SYT9: variants seen among roughly 807,000 people sequenced by gnomAD.
The protein encoded by SYT9 is synaptotagmin 9.
Under a neutral mutation model 48.4 loss-of-function variants are expected in SYT9, and 22 were observed. The observed-to-expected ratio is 0.45, with a 90% CI of 0.32 to 0.65. The LOEUF is 0.65. Ranked by LOEUF, SYT9 falls within the 30% of genes least tolerant of loss-of-function variation. The probability of loss-of-function intolerance (pLI) is 0.03; values close to 1 mark genes in which losing one functional copy is unlikely to be tolerated. For missense variants in SYT9, 577 were observed against 622.0 expected (o/e 0.93, Z 0.77); for synonymous variants, 265 against 245.0 (o/e 1.08, Z -0.76).
chr11:7,323,376 C>T (rs905762114), intron 3 of SYT9, among the ~76,000 whole-genome samples: 1 of 152,062 alleles, frequency 6.6e-6, no homozygotes, highest in African/African-American at 2.4e-5. Context: ...GAGTTTTGTA[C>T]ATTCACAATA....
chr11:7,276,844 G>A (rs147585994), intron 1 of SYT9, among the ~76,000 whole-genome samples: 1,824 of 151,876 alleles, frequency 0.012, 34 homozygotes, highest in African/African-American at 0.039. Context: ...TCAGGTGTTC[G>A]AGACCAGCCT....
intron 5 of SYT9, among the ~76,000 whole-genome samples, 190 bp from the exon 6 acceptor site, chr11:7,420,316 G>A (rs1205755614): frequency 7.2e-5 from 11 of 152,226 alleles, no homozygotes; most frequent in Non-Finnish European, 1.3e-4. Context: ...AGGACAGCCA[G>A]GGTATACGTT....
chr11:7,352,993 C>T (rs371660422), intron 3 of SYT9, among the ~76,000 whole-genome samples: 87 of 152,242 alleles, frequency 5.7e-4, no homozygotes, highest in African/African-American at 2.0e-3. Flanking sequence ...ATTCTATACA[C>T]GTATAAAACT....
At chr11:7,420,752 T>C (rs1321610644) in intron 6 of SYT9, 117 bp downstream of exon 6, 3 of 1,311,018 alleles carry the variant, frequency 2.3e-6, no homozygotes, top group Non-Finnish European at 2.1e-6. Context: ...CGGGTTTTCC[T>C]GGTTGCATTT....
chr11:7,464,506 G>A (rs115160677), intron 6 of SYT9, among the ~76,000 whole-genome samples: 3,176 of 152,180 alleles, frequency 0.021, 111 homozygotes, highest in African/African-American at 0.073. Flanking sequence ...TCTCTACAAC[G>A]CTGCATCCTC....
chr11:7,464,159 T>C (rs1848285454), intron 6 of SYT9, among the ~76,000 whole-genome samples: 1 of 152,142 alleles, frequency 6.6e-6, no homozygotes, highest in Non-Finnish European at 1.5e-5. Flanking sequence ...AATGAGGTTG[T>C]GCACAGAACT....
chr11:7,279,134 A>G (rs546898838), intron 1 of SYT9, among the ~76,000 whole-genome samples: 30 of 152,276 alleles, frequency 2.0e-4, no homozygotes, highest in South Asian at 6.2e-4. Context: ...AGTGGAGGGT[A>G]TGTGGACCCT....
intron 3 of SYT9, among the ~76,000 whole-genome samples, chr11:7,348,732 C>T (rs1265072698): frequency 2.9e-5 from 2 of 68,238 alleles, no homozygotes. Context: ...TTTCAAAGTG[C>T]GGATGGGTGG....
At chr11:7,403,232 CT>C (rs987653540) in intron 3 of SYT9, among the ~76,000 whole-genome samples, 49 of 151,958 alleles carry the variant, frequency 3.2e-4, no homozygotes, top group African/African-American at 8.5e-4. Flanking sequence ...TCTAGTTTTC[CT>C]TTGGATTTCT....
rs116008385 is a variant in SYT9 at position 7,263,326 on chromosome 11, T to C, written c.145+10995T>C. On this transcript the variant is annotated intron_variant, in intron 1 of 6. Coordinates refer to ENST00000318881, the MANE Select transcript of SYT9 (RefSeq NM_175733.4). ...ACCTTCTCTCTGTGTCCTCACATGG[T>C]GGAAGGGGTTTCTTTCATAAGGGCA... Among the ~76,000 whole-genome samples, 469 of 152,222 alleles carry C rather than the reference T, an allele frequency of 3.1e-3. 4 individuals are homozygous for C. The highest frequency in any genetic ancestry group is 0.011 in the African/African-American group (462 of 41,526).
intron 1 of SYT9, among the ~76,000 whole-genome samples, chr11:7,239,696 G>A (rs1023452856): frequency 6.6e-5 from 10 of 152,140 alleles, no homozygotes; most frequent in Admixed American, 6.5e-4. Context: ...GTTCGTATTA[G>A]GGTAATGGAG....
chr11:7,359,793 T>G (rs1279995607), intron 3 of SYT9, among the ~76,000 whole-genome samples: 3 of 149,266 alleles, frequency 2.0e-5, no homozygotes, highest in African/African-American at 7.3e-5. Flanking sequence ...TTCTCCCATT[T>G]TGTAGGTTGC....
intron 6 of SYT9, among the ~76,000 whole-genome samples, chr11:7,459,326 G>T (rs751731831): frequency 6.6e-6 from 1 of 152,204 alleles, no homozygotes; most frequent in African/African-American, 2.4e-5. Context: ...AAAAATGGAT[G>T]AGATGTAAAT....
chr11:7,243,359 T>A lies in SYT9; in HGVS notation c.49+4443T>A, dbSNP rs576068347. On this transcript the variant is annotated intron_variant and NMD_transcript_variant, in intron 1 of 8. Coordinates refer to the SYT9 transcript ENST00000524820. ...GTGATTAAGCACTAAACTCGGCAGA[T>A]AACCTGAAGCCTGGTTCTTTGCACA... Among the ~76,000 whole-genome samples the A allele has an allele frequency of 1.6e-4, 24 of 152,344 alleles. No individual in the cohort carries two copies. In the East Asian group the frequency reaches 4.6e-3, roughly 29 times the overall value.
rs1458620625 is a variant in SYT9 at position 7,407,672 on chromosome 11, G to A, written c.1045-8370G>A. On this transcript the variant is annotated intron_variant, in intron 3 of 6. Transcript: ENST00000318881. The stretch of plus-strand genomic sequence containing the variant: ...TGGGATTACAGGCGTGAGCCACCGC[G>A]CCCGGCCTTAAGTCTATAATTTATC... 7.7e-5 allele frequency among the ~76,000 whole-genome samples: 4 copies of A among 52,166 alleles called. No individual in the cohort carries two copies. In the East Asian group the frequency reaches 1.2e-3, roughly 15 times the overall value. The allele number at this position is 52,166 out of a possible 152,430, so 34.2% of individuals were successfully genotyped here.
chr11:7,335,847 C>T (rs902038835), intron 3 of SYT9, among the ~76,000 whole-genome samples: 3 of 152,056 alleles, frequency 2.0e-5, no homozygotes, highest in Non-Finnish European at 2.9e-5. Context: ...ATTTATATTC[C>T]TCTGGGTATA....
chr11:7,458,535 G>A (rs1848190483), intron 6 of SYT9, among the ~76,000 whole-genome samples: 1 of 152,160 alleles, frequency 6.6e-6, no homozygotes, highest in South Asian at 2.1e-4. Context: ...GGGATCAGAA[G>A]TGTGACATAG....
At chr11:7,389,946 AT>A (rs1850731673) in intron 3 of SYT9, among the ~76,000 whole-genome samples, 1 of 152,316 alleles carries the variant, frequency 6.6e-6, no homozygotes, top group Non-Finnish European at 1.5e-5. Context: ...CCTAAACTCT[AT>A]GCCCAGCCAA....
At chr11:7,352,849 C>T (rs1365165853) in intron 3 of SYT9, among the ~76,000 whole-genome samples, 2 of 152,126 alleles carry the variant, frequency 1.3e-5, no homozygotes, top group African/African-American at 2.4e-5. Context: ...GTCTTGACTG[C>T]GTGCAGTGAT....
Sources: allele counts gnomAD v4.1 joint callset (sites outside exome capture counted in the v4.1 genomes callset), GRCh38; gene constraint gnomAD v4.1.1; transcripts MANE v1.5; gene names NCBI Gene and HGNC (gene_info 2026-07-23, HGNC 2026-07-21).